HIVEP3: variants seen among roughly 807,000 people sequenced by gnomAD.
HIVEP3 encodes HIVEP zinc finger 3, also known as transcription factor HIVEP3.
In HIVEP3, 49 loss-of-function variants were observed where a neutral mutation model predicts 152.8. The observed-to-expected ratio is 0.32, with a 90% CI of 0.26 to 0.41. The LOEUF (loss-of-function observed/expected upper bound fraction) is 0.41, where lower values mean the gene tolerates loss of function less well. HIVEP3 is among the 10% of genes least tolerant of loss of function. The pLI is 1.00. For missense variants in HIVEP3, 2,790 were observed against 3,103.3 expected (o/e 0.90, Z 2.40); for synonymous variants, 1,269 against 1,289.0 (o/e 0.98, Z 0.33).
intron 2 of HIVEP3, among the ~76,000 whole-genome samples, chr1:41,684,134 T>C (rs1031705762): frequency 1.3e-5 from 2 of 152,144 alleles, no homozygotes; most frequent in African/African-American, 2.4e-5. Context: ...CCCAGGGTCA[T>C]GAGGGGAGGT....
Position 41,584,575 on chromosome 1 carries a change from C to T in HIVEP3, c.223G>A (p.Gly75Ser). Residue 75 changes from glycine to serine, a missense_variant, in exon 4 of 9, where the codon GGC (glycine) becomes AGC (serine). Gly to Ser is a moderately conservative substitution (Grantham distance 56, BLOSUM62 0). This residue lies in a region of HIVEP3 where 209 missense variants were observed against 237.0 expected (regional missense o/e 0.88). Transcript: ENST00000372583. This position sits in a 1 kb window ranked among gnomAD's most constrained non-coding sequence, Gnocchi z 5.2. ...CTTTTGGGGGGCTTCTGCTGCTGGC[C>T]CGTTTTCTCCTGAGAGCCTTCCCTA... The part of the protein sequence containing the change: ...VLREGSQEKT[G>S]QQQKPPKRPP... 4.3e-6 allele frequency: 7 copies of T among 1,614,042 alleles called. No homozygotes were observed. The highest frequency in any genetic ancestry group is 5.9e-6 in the Non-Finnish European group (7 of 1,179,998).
intron 2 of HIVEP3, among the ~76,000 whole-genome samples, chr1:41,672,001 G>A (rs938880602): frequency 1.7e-4 from 26 of 152,224 alleles, no homozygotes; most frequent in African/African-American, 6.0e-4. Context: ...GGGTGCAGTT[G>A]AGTTGGGCCA....
rs750482011 is a variant in HIVEP3 at position 41,583,336 on chromosome 1, G to A, written c.1462C>T (p.Arg488Trp). The A allele has an allele frequency of 2.5e-6, 4 of 1,611,070 alleles. No homozygotes were observed. In the South Asian group the frequency reaches 3.3e-5, roughly 13 times the overall value. ...CTGCTGCGCCTGGACAGTGAGCTCC[G>A]CCTTGGCTTCACGCTGTCGATCTCG... ...TSEIDSVKPRRSSLSRRSSME... is the reference protein window; with the variant it reads ...TSEIDSVKPRWSSLSRRSSME... The change falls in exon 4 of 9, where the codon CGG becomes TGG. Residue 488 changes from arginine (R) to tryptophan (W), a missense_variant. This residue lies in a region of HIVEP3 where 134 missense variants were observed against 242.5 expected (regional missense o/e 0.55). Transcript: ENST00000372583. This position sits in a 1 kb window ranked among gnomAD's most constrained non-coding sequence, Gnocchi z 6.9.
chr1:41,757,462 T>C (rs12746339), intron 1 of HIVEP3, among the ~76,000 whole-genome samples: 52,947 of 151,518 alleles, frequency 0.35, 9,438 homozygotes, highest in East Asian at 0.47. Context: ...GTTTCACCTG[T>C]AGTACCAAGG....
At chr1:41,715,129 G>A (rs1377032667) in intron 1 of HIVEP3, among the ~76,000 whole-genome samples, 2 of 152,178 alleles carry the variant, frequency 1.3e-5, no homozygotes, top group South Asian at 2.1e-4. Flanking sequence ...CTTCAGCTGC[G>A]GAACCCCAGC....
intron 1 of HIVEP3, among the ~76,000 whole-genome samples, chr1:42,017,258 G>T (rs1389687331): frequency 6.6e-6 from 1 of 151,970 alleles, no homozygotes; most frequent in African/African-American, 2.4e-5. Context: ...TAATCTAGCT[G>T]TAACTTACTT....
At chr1:41,986,587 C>A (rs987016413) in intron 1 of HIVEP3, among the ~76,000 whole-genome samples, 4 of 152,006 alleles carry the variant, frequency 2.6e-5, no homozygotes, top group African/African-American at 9.7e-5. Flanking sequence ...AATACAGGCG[C>A]CCGCCACCAC....
intron 1 of HIVEP3, among the ~76,000 whole-genome samples, chr1:42,028,709 G>A (rs912505431): frequency 6.6e-6 from 1 of 152,128 alleles, no homozygotes; most frequent in African/African-American, 2.4e-5. Context: ...TAAATGCTGG[G>A]GATCTTTAAT....
intron 3 of HIVEP3, among the ~76,000 whole-genome samples, chr1:41,620,960 G>C (rs1645038818): frequency 6.6e-6 from 1 of 152,208 alleles, no homozygotes; most frequent in Admixed American, 6.5e-5. Context: ...CCCTGAGATT[G>C]GGAGAGGAAG....
intron 1 of HIVEP3, among the ~76,000 whole-genome samples, chr1:41,985,520 T>C (rs545955197): frequency 1.3e-5 from 2 of 152,368 alleles, no homozygotes; most frequent in South Asian, 2.1e-4. Context: ...TCTCTTCTTA[T>C]AGGTGTCTCT....
chr1:41,553,351 G>T (rs558920028), intron 5 of HIVEP3, among the ~76,000 whole-genome samples: 3 of 151,986 alleles, frequency 2.0e-5, no homozygotes, highest in African/African-American at 7.2e-5. Context: ...CCATTTACTT[G>T]GTAGATCTTC....
intron 1 of HIVEP3, among the ~76,000 whole-genome samples, chr1:41,826,661 G>A (rs1218785630): frequency 6.6e-6 from 1 of 152,234 alleles, no homozygotes; most frequent in Non-Finnish European, 1.5e-5. Context: ...TTGAAGCAAG[G>A]AGGAGGTTTT....
At chr1:41,615,423 G>A (rs1644953130) in intron 3 of HIVEP3, among the ~76,000 whole-genome samples, 1 of 152,226 alleles carries the variant, frequency 6.6e-6, no homozygotes, top group Non-Finnish European at 1.5e-5. Context: ...CACCACGCAA[G>A]CTTAGAGCTA....
At chr1:41,986,616 A>G (rs1645325041) in intron 1 of HIVEP3, among the ~76,000 whole-genome samples, 1 of 151,804 alleles carries the variant, frequency 6.6e-6, no homozygotes, top group African/African-American at 2.4e-5. Context: ...AATTTTTTGT[A>G]TTTTTAGTAG....
chr1:41,761,775 T>C (rs4660572), intron 1 of HIVEP3, among the ~76,000 whole-genome samples: 53,168 of 152,220 alleles, frequency 0.35, 9,499 homozygotes, highest in East Asian at 0.47. Flanking sequence ...TAGGCACATG[T>C]ATGTGCATTT....
At chr1:41,570,445 G>A (rs1423248047) in intron 5 of HIVEP3, among the ~76,000 whole-genome samples, 1 of 152,166 alleles carries the variant, frequency 6.6e-6, no homozygotes, top group African/African-American at 2.4e-5. Flanking sequence ...TAAGCGTTTG[G>A]TAGTTCCTCC....
intron 1 of HIVEP3, among the ~76,000 whole-genome samples, chr1:41,899,105 T>C (rs1350884198): frequency 2.0e-5 from 3 of 152,244 alleles, no homozygotes; most frequent in Non-Finnish European, 4.4e-5. Context: ...CCTCTGCCAC[T>C]ATATCCTGAA....
chr1:41,545,695 TCACCAC>T (rs58607679), intron 5 of HIVEP3, among the ~76,000 whole-genome samples: 27,634 of 90,876 alleles, frequency 0.3, 4,834 homozygotes, highest in Non-Finnish European at 0.41. Flanking sequence ...ATCACCACCA[TCACCAC>T]CACCACCACC....
At chr1:41,525,126 G>A (rs1277099257) in intron 5 of HIVEP3, among the ~76,000 whole-genome samples, 1 of 152,156 alleles carries the variant, frequency 6.6e-6, no homozygotes, top group Non-Finnish European at 1.5e-5. Context: ...ACGGGGGGTT[G>A]CACTATTCTT....
Sources: gnomAD v4.1 joint callset for allele counts (sites outside exome capture counted in the v4.1 genomes callset) on GRCh38, gnomAD v4.1.1 for gene constraint, gnomAD v4.1.1 regional missense constraint, Gnocchi (gnomAD v3.1) non-coding constraint, MANE v1.5 for transcripts, NCBI Gene and HGNC (gene_info 2026-07-23, HGNC 2026-07-21) for gene names.